The following GTF3C2 variants were observed in gnomAD, a reference collection of about 807,000 sequenced individuals.
The protein encoded by GTF3C2 is general transcription factor IIIC subunit 2, also known as general transcription factor 3C polypeptide 2.
GTF3C2 carries 17 observed loss-of-function variants against 117.4 expected under a neutral mutation model. The ratio of observed to expected loss-of-function variants is 0.14; its 90% CI spans 0.10 to 0.22. The LOEUF is 0.22. GTF3C2 is among the 10% of genes least tolerant of loss of function. The pLI, the probability that GTF3C2 is intolerant of heterozygous loss-of-function variation, is 1.00. For missense variants in GTF3C2, 888 were observed against 1,143.6 expected (o/e 0.78, Z 3.22); for synonymous variants, 437 against 427.0 (o/e 1.02, Z -0.29).
At chr2:27,347,419 A>C (rs1198638626) in intron 1 of GTF3C2, among the ~76,000 whole-genome samples, 1 of 152,226 alleles carries the variant, frequency 6.6e-6, no homozygotes, top group African/African-American at 2.4e-5. Flanking sequence ...TGCTGAGGAT[A>C]CAAGAAAACA....
intron 1 of GTF3C2, among the ~76,000 whole-genome samples, chr2:27,346,851 C>T (rs951119806): frequency 1.3e-5 from 2 of 151,894 alleles, no homozygotes; most frequent in East Asian, 1.9e-4. Context: ...TGCACCAATA[C>T]GCCCAGATAC....
chr2:27,342,987 G>A (rs1419913945), exon 3 of GTF3C2: 35 of 1,614,064 alleles, frequency 2.2e-5, no homozygotes, highest in Non-Finnish European at 2.9e-5. Context: ...GCATGGGGGT[G>A]GACAGAGGGT....
At chr2:27,335,484 T>A in intron 10 of GTF3C2, 114 bp downstream of exon 10, 1 of 721,014 alleles carries the variant, frequency 1.4e-6, no homozygotes. Context: ...TGTGGCTGAG[T>A]AAGGCTTTGT....
intron 1 of GTF3C2, among the ~76,000 whole-genome samples, chr2:27,354,353 C>T (rs981149222): frequency 2.6e-5 from 4 of 152,082 alleles, no homozygotes; most frequent in South Asian, 2.1e-4. Flanking sequence ...AGACTGACCA[C>T]GTCTACAGGA....
intron 4 of GTF3C2, chr2:27,340,689 C>T (rs1680696570): frequency 6.6e-6 from 1 of 151,858 alleles, no homozygotes; most frequent in Admixed American, 6.6e-5. Context: ...GGTGCAATCT[C>T]AGCTCACTGC....
chr2:27,332,168 G>A (rs898638612), intron 12 of GTF3C2, among the ~76,000 whole-genome samples: 1 of 151,908 alleles, frequency 6.6e-6, no homozygotes, highest in African/African-American at 2.4e-5. Context: ...TACACAGTAT[G>A]ATCCCATTTA....
chr2:27,341,790 C>A lies in GTF3C2; in HGVS notation c.855+158G>T, dbSNP rs955582905. The A allele has an allele frequency of 2.3e-5, 14 of 618,708 alleles. No individual in the cohort carries two copies. The African/African-American group carries it at 2.6e-4, about 11-fold the overall frequency. 38.3% of individuals were successfully genotyped at this position (618,708 alleles called of 1,614,324 possible). ...ACCATACCCCTTCTTCTGCGCTCTC[C>A]CTAATATGCCAAATGTTTTGGAAAT... On this transcript the variant is annotated intron_variant, in intron 4 of 18. Transcript: ENST00000264720.
intron 1 of GTF3C2, among the ~76,000 whole-genome samples, chr2:27,354,226 T>C (rs1681244455): frequency 6.6e-6 from 1 of 151,978 alleles, no homozygotes; most frequent in Non-Finnish European, 1.5e-5. Flanking sequence ...AAGGTTACAG[T>C]GAGCTGTGAT....
chr2:27,342,175 C>A lies in GTF3C2; in HGVS notation c.628G>T (p.Val210Leu), dbSNP rs963528878. ...ACCTTGGGGCCCTCAGGACAGGACA[C>A]AGGGGCAGGCAGGGCTGTTGAGAGC... The change falls in exon 4 of 19, where the codon GTG becomes TTG. Residue 210 changes from valine (V) to leucine (L), a missense_variant. Val to Leu is a conservative substitution (Grantham distance 32, BLOSUM62 1). Around this residue, in one of 7 missense-constraint regions of GTF3C2, gnomAD observed 393 missense variants for 401.5 expected, o/e 0.98. Coordinates refer to ENST00000264720, the Ensembl canonical transcript of GTF3C2. The A allele has an allele frequency of 1.2e-6, 2 of 1,614,012 alleles. No homozygotes were observed. The highest frequency in any genetic ancestry group is 1.7e-6 in the Non-Finnish European group (2 of 1,180,014).
rs751862335 is a variant in GTF3C2 at position 27,343,303 on chromosome 2, C to A, written c.247+5G>T. 1 of 1,613,568 alleles carries A rather than the reference C, an allele frequency of 6.2e-7. No individual in the cohort carries two copies. Among genetic ancestry groups the A allele is most frequent in the Non-Finnish European group, 8.5e-7 (1 of 1,179,656 alleles). The stretch of plus-strand genomic sequence containing the variant: ...AATAAAAAGATAAGAGGACAAGGTA[C>A]ATACCTGGCTGTTCCAGTCTGGAGA... On this transcript the variant is annotated splice_donor_5th_base_variant and intron_variant, in intron 2 of 18. Transcript: ENST00000264720.
chr2:27,326,587 A>G (rs1221354582), exon 19 of GTF3C2: 1 of 964,174 alleles, frequency 1.0e-6, no homozygotes, highest in African/African-American at 1.6e-5. Context: ...ATCACTGTCC[A>G]GGGAAGGCCC....
intron 1 of GTF3C2, among the ~76,000 whole-genome samples, chr2:27,344,190 A>G (rs1257175215): frequency 6.6e-6 from 1 of 151,886 alleles, no homozygotes; most frequent in African/African-American, 2.4e-5. Context: ...CGCCCAGCTA[A>G]TTTTTGTATT....
chr2:27,343,497 T>C lies in GTF3C2; in HGVS notation c.58A>G (p.Met20Val), dbSNP rs1209187925. The C allele has an allele frequency of 1.2e-6, 2 of 1,613,974 alleles. No homozygotes were observed. The highest frequency in any genetic ancestry group is 1.7e-5 in the Admixed American group (1 of 59,988). ...TGTCCAGGAGAGTCTACCACAGTCA[T>C]GTTCCCCACGGGGCCGGCCTCCCCC... Residue 20 changes from methionine (M) to valine (V), a missense_variant, in exon 2 of 19, where the codon ATG becomes GTG. Met to Val is a conservative substitution (Grantham distance 21). Coordinates refer to ENST00000264720, the Ensembl canonical transcript of GTF3C2.
At chr2:27,341,235 T>C (rs1680720092) in intron 4 of GTF3C2, among the ~76,000 whole-genome samples, 1 of 151,788 alleles carries the variant, frequency 6.6e-6, no homozygotes, top group South Asian at 2.1e-4. Flanking sequence ...GGGGTTTCAC[T>C]ATATTGGTCA....
exon 4 of GTF3C2, chr2:27,342,120 C>A (rs768367303): frequency 1.1e-5 from 17 of 1,614,000 alleles, no homozygotes; most frequent in Non-Finnish European, 1.4e-5. Context: ...TGCTGGCTGC[C>A]GGATCTTCTT....
chr2:27,328,382 C>G, intron 16 of GTF3C2, 86 bp downstream of exon 16: 2 of 1,407,890 alleles, frequency 1.4e-6, no homozygotes, highest in Non-Finnish European at 1.0e-6. Flanking sequence ...GGCCGGGAGA[C>G]CTGACACTAG....
chr2:27,343,770 G>T, intron 1 of GTF3C2, 192 bp from the exon 2 acceptor site: 1 of 531,728 alleles, frequency 1.9e-6, no homozygotes, highest in African/African-American at 1.9e-5. Context: ...TATGAGCCAG[G>T]TGCGGTGGCT....
At chr2:27,342,336 A>C in intron 3 of GTF3C2, 103 bp from the exon 4 acceptor site, 2 of 867,140 alleles carry the variant, frequency 2.3e-6, no homozygotes, top group Non-Finnish European at 3.5e-6. Context: ...CAATAACCCC[A>C]TGATTAACCA....
chr2:27,329,578 C>CT lies in GTF3C2; in HGVS notation c.1733-56dup. 6.4e-7 allele frequency: 1 copy of CT among 1,571,370 alleles called. No homozygotes were observed. The highest frequency in any genetic ancestry group is 8.7e-7 in the Non-Finnish European group (1 of 1,147,076). ...AAAAGCAAGTTCTCTCTTCCTTGCT[C>CT]TAATTTCTTTCTCTGGGCTCCTAGG... On this transcript the variant is annotated intron_variant, in intron 12 of 18. Coordinates refer to ENST00000264720, the Ensembl canonical transcript of GTF3C2. The surrounding 1 kb of genome is among the most constrained non-coding windows in gnomAD (Gnocchi z 4.5).
Sources: allele counts gnomAD v4.1 joint callset (sites outside exome capture counted in the v4.1 genomes callset), GRCh38; gene constraint gnomAD v4.1.1; regional missense constraint gnomAD v4.1.1; non-coding constraint Gnocchi (gnomAD v3.1); transcripts MANE v1.5; gene names NCBI Gene and HGNC (gene_info 2026-07-23, HGNC 2026-07-21).